FRMPD4: variants seen among roughly 807,000 people sequenced by gnomAD.
FRMPD4 encodes FERM and PDZ domain containing 4.
In FRMPD4, 22 loss-of-function variants were observed where a neutral mutation model predicts 94.1. The ratio of observed to expected loss-of-function variants is 0.23; its 90% CI spans 0.17 to 0.33. The LOEUF (loss-of-function observed/expected upper bound fraction) is 0.33, where lower values mean the gene tolerates loss of function less well. FRMPD4 is among the 10% of genes least tolerant of loss of function. FRMPD4 has a pLI of 1.00. For missense variants in FRMPD4, 1,111 were observed against 1,339.9 expected, an observed-to-expected ratio of 0.83 and a Z score of 2.67; for synonymous variants, 631 against 548.6, an observed-to-expected ratio of 1.15 and a Z score of -2.10.
intron 3 of FRMPD4, among the ~76,000 whole-genome samples, chrX:11,919,864 C>T (rs147410065): frequency 0.012 from 1,315 of 112,350 alleles, 3 homozygotes; most frequent in South Asian, 0.019. Flanking sequence ...GCACTGCATG[C>T]TATCTGCTGG....
At chrX:12,701,067 C>CTTTTTTTTTTTTTTTTTTT (rs34465193) in intron 9 of FRMPD4, among the ~76,000 whole-genome samples, 1 of 56,586 alleles carries the variant, frequency 1.8e-5, no homozygotes, top group Non-Finnish European at 3.1e-5. Context: ...GTTTTGGCTT[C>CTTTTTTTTTTTTTTTTTTT]TTTTTTTTTT....
chrX:12,096,785 G>A (rs1390419278), intron 3 of FRMPD4, among the ~76,000 whole-genome samples: 2 of 111,373 alleles, frequency 1.8e-5, no homozygotes, highest in African/African-American at 6.5e-5. Flanking sequence ...TGCTCAGGAG[G>A]CTGAGGCAGG....
intron 3 of FRMPD4, among the ~76,000 whole-genome samples, chrX:12,005,670 A>G (rs1369908730): frequency 2.7e-5 from 3 of 113,052 alleles, no homozygotes; most frequent in African/African-American, 6.4e-5. Flanking sequence ...TCTGAGCGCC[A>G]CAGAGAGAAC....
At chrX:12,706,106 A>G (rs2041870548) in intron 11 of FRMPD4, among the ~76,000 whole-genome samples, 1 of 110,745 alleles carries the variant, frequency 9.0e-6, no homozygotes, top group Non-Finnish European at 1.9e-5. Context: ...TTTAAATCAA[A>G]TACTCTTTTT....
In FRMPD4 at chrX:12,638,543, C is replaced by T. The variant is rs139810436; in HGVS notation, c.422+23662C>T. ...GAGCCACTGCACCTGACCTGGAAGA[C>T]ATACATTTTTATTCTAGTGGTTGTC... On this transcript the variant is annotated intron_variant, in intron 4 of 16. Transcript: ENST00000675598. Among the ~76,000 whole-genome samples the T allele has an allele frequency of 2.8e-4, 31 of 111,777 alleles. No homozygotes were observed. The East Asian group carries it at 8.5e-3, about 30-fold the overall frequency.
intron 3 of FRMPD4, among the ~76,000 whole-genome samples, chrX:12,003,193 G>A (rs1249837067): frequency 8.9e-6 from 1 of 111,862 alleles, no homozygotes; most frequent in Admixed American, 9.5e-5. Flanking sequence ...AAGAGAGTCT[G>A]AGATCTGAGA....
At chrX:12,528,648 G>T (rs2058253067) in intron 2 of FRMPD4, among the ~76,000 whole-genome samples, 1 of 111,542 alleles carries the variant, frequency 9.0e-6, no homozygotes, top group South Asian at 3.8e-4. Flanking sequence ...CACTTCTGAT[G>T]CAGTTGCAAA....
At chrX:11,944,296 A>G (rs758296125) in intron 3 of FRMPD4, among the ~76,000 whole-genome samples, 37 of 112,267 alleles carry the variant, frequency 3.3e-4, no homozygotes, top group African/African-American at 1.2e-3. Context: ...ACCACAGGTG[A>G]GCATGAATAA....
intron 4 of FRMPD4, among the ~76,000 whole-genome samples, chrX:12,667,271 T>A (rs1362686658): frequency 8.9e-6 from 1 of 112,471 alleles, no homozygotes; most frequent in Non-Finnish European, 1.9e-5. Context: ...TGTTTAGACT[T>A]AATGTTTCTA....
intron 3 of FRMPD4, among the ~76,000 whole-genome samples, chrX:12,062,046 A>G (rs2054890051): frequency 8.9e-6 from 1 of 111,860 alleles, no homozygotes; most frequent in South Asian, 3.7e-4. Context: ...ATAAACTAAA[A>G]CTTGATGTAA....
chrX:12,720,014 G>T (rs1316672974), intron 16 of FRMPD4, among the ~76,000 whole-genome samples: 1 of 38,247 alleles, frequency 2.6e-5, no homozygotes, highest in Non-Finnish European at 5.2e-5. Flanking sequence ...GGAAAGGAAA[G>T]GAAAGGAAAG....
At chrX:12,378,683 A>G (rs1367779856) in intron 1 of FRMPD4, among the ~76,000 whole-genome samples, 1 of 112,019 alleles carries the variant, frequency 8.9e-6, no homozygotes, top group Non-Finnish European at 1.9e-5. Context: ...CTTTTGGGGG[A>G]ATGATGTATG....
intron 3 of FRMPD4, among the ~76,000 whole-genome samples, chrX:11,950,910 T>A (rs1031106359): frequency 3.7e-5 from 4 of 109,487 alleles, no homozygotes; most frequent in Non-Finnish European, 7.6e-5. Context: ...ATACAAAAAA[T>A]TAGCCAGATG....
intron 3 of FRMPD4, among the ~76,000 whole-genome samples, chrX:12,614,381 CCA>C (rs780850079): frequency 2.3e-4 from 25 of 108,085 alleles, no homozygotes; most frequent in African/African-American, 6.4e-4. Context: ...AGGGGCCTCA[CCA>C]CACACACACA....
In FRMPD4 at chrX:12,721,796, A is replaced by G; in HGVS notation, c.5227A>G (p.Thr1743Ala). ...PNVGLSARHS[T>A]TMAALVSTLT... ...TGTTGGACTCTCGGCGCGACACTCAACCACCATGGCCGCTCTCGTAAGCAC... is the reference window on the plus strand; with the variant it reads ...TGTTGGACTCTCGGCGCGACACTCAGCCACCATGGCCGCTCTCGTAAGCAC... Residue 1743 changes from threonine (T) to alanine (A), a missense_variant, in exon 17 of 17, where the codon ACC becomes GCC. By Grantham distance (58) the Thr-to-Ala change is moderately conservative. Transcript: ENST00000675598. 2 of 753,389 alleles carry G rather than the reference A, an allele frequency of 2.7e-6. No individual in the cohort carries two copies. Among genetic ancestry groups the G allele is most frequent in the Middle Eastern group, 3.9e-4 (1 of 2,556 alleles). 62.1% of individuals were successfully genotyped at this position (753,389 alleles called of 1,213,427 possible).
intron 3 of FRMPD4, among the ~76,000 whole-genome samples, chrX:11,911,138 G>T (rs1439182463): frequency 1.8e-5 from 2 of 112,383 alleles, no homozygotes; most frequent in African/African-American, 6.5e-5. Context: ...AGCAACCATG[G>T]ACAATATGTG....
chrX:12,583,619 C>A (rs1049088232), intron 2 of FRMPD4: 24 of 481,780 alleles, frequency 5.0e-5, no homozygotes, highest in Non-Finnish European at 7.5e-5. Flanking sequence ...TCGCACCTGG[C>A]GGCCCCGCCC....
At chrX:12,396,013 C>A in intron 1 of FRMPD4, 1 of 155,249 alleles carries the variant, frequency 6.4e-6, no homozygotes, top group Admixed American at 6.5e-5. Flanking sequence ...AAAAATTCAG[C>A]ACCTTTTTTA....
At chrX:12,680,747 G>T (rs945474608) in intron 5 of FRMPD4, among the ~76,000 whole-genome samples, 16 of 111,225 alleles carry the variant, frequency 1.4e-4, no homozygotes, top group African/African-American at 4.9e-4. Context: ...TCTCATTATT[G>T]CATCGTAAAT....
Sources: gnomAD v4.1 joint callset for allele counts (sites outside exome capture counted in the v4.1 genomes callset) on GRCh38, gnomAD v4.1.1 for gene constraint, MANE v1.5 for transcripts, NCBI Gene and HGNC (gene_info 2026-07-23, HGNC 2026-07-21) for gene names.